Variants in CBFA2T2 observed in about 807,000 individuals in gnomAD.
The protein encoded by CBFA2T2 is CBFA2/RUNX1 partner transcriptional co-repressor 2.
CBFA2T2 carries 11 observed loss-of-function variants against 62.2 expected under a neutral mutation model. The ratio of observed to expected loss-of-function variants is 0.18; its 90% CI spans 0.11 to 0.29. The LOEUF (loss-of-function observed/expected upper bound fraction) is 0.29. Ranked by LOEUF, CBFA2T2 falls within the 10% of genes least tolerant of loss-of-function variation. The probability of loss-of-function intolerance (pLI) is 1.00; values close to 1 mark genes in which losing one functional copy is unlikely to be tolerated. For synonymous variants in CBFA2T2, 295 were observed against 287.5 expected, an observed-to-expected ratio of 1.03 and a Z score of -0.27; for missense variants, 592 against 774.1, an observed-to-expected ratio of 0.76 and a Z score of 2.79.
chr20:33,527,238 A>G (rs144532167), intron 1 of CBFA2T2, among the ~76,000 whole-genome samples: 1 of 152,168 alleles, frequency 6.6e-6, no homozygotes, highest in East Asian at 1.9e-4. Context: ...GTCTCACTAC[A>G]TCACCCAGGC....
At chr20:33,548,740 G>C (rs1386557641) in intron 1 of CBFA2T2, among the ~76,000 whole-genome samples, 1 of 152,128 alleles carries the variant, frequency 6.6e-6, no homozygotes, top group Non-Finnish European at 1.5e-5. Context: ...TGGGGAGATT[G>C]AGGCCAGGAG....
rs142527489 is a variant in CBFA2T2 at position 33,528,712 on chromosome 20, G to A, written c.34+38411G>A. On this transcript the variant is annotated intron_variant, in intron 1 of 10. Transcript: ENST00000342704. ...CACTCGTGTGTGTGTGTGTGTGTGC[G>A]TGTGTGGTGTAGTGACGGGATCTCA... is the stretch of plus-strand genomic sequence containing the variant. Among the ~76,000 whole-genome samples, 184 of 151,708 alleles carry A rather than the reference G, an allele frequency of 1.2e-3. 1 individual carries two copies. Among genetic ancestry groups the A allele is most frequent in the Non-Finnish European group, 4.7e-4 (32 of 67,916 alleles).
At chr20:33,623,963 AAAAAAG>A in intron 5 of CBFA2T2, 5 of 603,306 alleles carry the variant, frequency 8.3e-6, no homozygotes, top group South Asian at 2.0e-5. Context: ...GGAAAAAAAA[AAAAAAG>A]AAAAGAAAAG....
chr20:33,507,577 T>C (rs185926396), intron 1 of CBFA2T2, among the ~76,000 whole-genome samples: 166 of 152,324 alleles, frequency 1.1e-3, no homozygotes, highest in African/African-American at 4.0e-3. Flanking sequence ...TCTTTTCCCC[T>C]TCCTGGAAGC....
chr20:33,542,366 A>G (rs1034911693), intron 1 of CBFA2T2, among the ~76,000 whole-genome samples: 2 of 152,082 alleles, frequency 1.3e-5, no homozygotes, highest in Non-Finnish European at 2.9e-5. Flanking sequence ...GCTACCTAGT[A>G]TTTTACAGGT....
At chr20:33,509,202 A>T (rs1224452312) in intron 1 of CBFA2T2, among the ~76,000 whole-genome samples, 1 of 151,208 alleles carries the variant, frequency 6.6e-6, no homozygotes, top group Non-Finnish European at 1.5e-5. Flanking sequence ...TCCCTTATTT[A>T]CTAAAATTAC....
At chr20:33,502,373 G>A (rs1358840492) in intron 1 of CBFA2T2, among the ~76,000 whole-genome samples, 1 of 151,974 alleles carries the variant, frequency 6.6e-6, no homozygotes, top group African/African-American at 2.4e-5. Flanking sequence ...CCAAAAAGGT[G>A]TTGTAGGCTT....
intron 5 of CBFA2T2, among the ~76,000 whole-genome samples, chr20:33,623,589 GTTT>G (rs1160413341): frequency 3.7e-4 from 56 of 151,608 alleles, no homozygotes; most frequent in African/African-American, 1.2e-3. Flanking sequence ...TTGTTTGTTT[GTTT>G]GTTTGTTTTT....
intron 5 of CBFA2T2, chr20:33,623,772 G>C (rs1266840748): frequency 5.6e-6 from 4 of 711,352 alleles, no homozygotes; most frequent in African/African-American, 1.8e-5. Context: ...CCAATACCTA[G>C]CTGCATAATA....
intron 1 of CBFA2T2, among the ~76,000 whole-genome samples, chr20:33,567,250 G>A (rs1004700380): frequency 6.6e-6 from 1 of 152,180 alleles, no homozygotes; most frequent in Non-Finnish European, 1.5e-5. Flanking sequence ...TTTGTTTAAA[G>A]CAACAGCTCG....
chr20:33,585,051 T>C (rs2014304942), intron 1 of CBFA2T2, among the ~76,000 whole-genome samples: 1 of 152,112 alleles, frequency 6.6e-6, no homozygotes, highest in South Asian at 2.1e-4. Context: ...TTTTCTGTCA[T>C]GCTTGCAGGG....
In CBFA2T2 at chr20:33,623,310, C is replaced by G. The variant is rs772398282; in HGVS notation, c.692+14C>G. The G allele has an allele frequency of 2.9e-5, 46 of 1,613,788 alleles. No homozygotes were observed. The highest frequency in any genetic ancestry group is 3.7e-5 in the Non-Finnish European group (44 of 1,179,822). ...CAGTCCAGAGAGGTGAGCAGATGAG[C>G]TTTGCTGTCCTTGCCTTCCTGGAAC... On this transcript the variant is annotated intron_variant, in intron 5 of 10. Transcript: ENST00000342704.
At chr20:33,558,151 T>G (rs1312528676) in intron 1 of CBFA2T2, among the ~76,000 whole-genome samples, 4 of 151,370 alleles carry the variant, frequency 2.6e-5, no homozygotes, top group African/African-American at 9.7e-5. Flanking sequence ...TTTTTTTTTT[T>G]GAGACTCTGT....
chr20:33,533,118 T>TAA (rs148660560), intron 1 of CBFA2T2, among the ~76,000 whole-genome samples: 2 of 148,612 alleles, frequency 1.3e-5, no homozygotes, highest in African/African-American at 4.9e-5. Flanking sequence ...ATTCTTTCAC[T>TAA]AAAAAAAAAA....
chr20:33,534,634 C>T (rs1428343035), intron 1 of CBFA2T2, among the ~76,000 whole-genome samples: 2 of 151,678 alleles, frequency 1.3e-5, no homozygotes, highest in East Asian at 1.9e-4. Flanking sequence ...TTTTTTAAAT[C>T]AGGTATATAA....
intron 1 of CBFA2T2, among the ~76,000 whole-genome samples, chr20:33,502,047 C>G (rs1193552333): frequency 6.6e-6 from 1 of 152,202 alleles, no homozygotes; most frequent in Non-Finnish European, 1.5e-5. Flanking sequence ...ACCTCAAGCT[C>G]CGAAAGTACT....
At chr20:33,585,792 G>A (rs995715256) in intron 1 of CBFA2T2, among the ~76,000 whole-genome samples, 7 of 152,216 alleles carry the variant, frequency 4.6e-5, no homozygotes, top group Non-Finnish European at 1.0e-4. Flanking sequence ...AAGCATTATA[G>A]TCTTAACTGG....
chr20:33,547,889 A>G (rs2012626549), intron 1 of CBFA2T2, among the ~76,000 whole-genome samples: 1 of 152,162 alleles, frequency 6.6e-6, no homozygotes, highest in South Asian at 2.1e-4. Context: ...TTATTTATAA[A>G]ACCAGAAATA....
At chr20:33,544,079 G>C (rs1009327659) in intron 1 of CBFA2T2, among the ~76,000 whole-genome samples, 1 of 152,106 alleles carries the variant, frequency 6.6e-6, no homozygotes, top group Non-Finnish European at 1.5e-5. Context: ...ATAGCAGCCA[G>C]AGTGGTTCAA....
Sources: allele counts gnomAD v4.1 joint callset (sites outside exome capture counted in the v4.1 genomes callset), GRCh38; gene constraint gnomAD v4.1.1; transcripts MANE v1.5; gene names NCBI Gene and HGNC (gene_info 2026-07-23, HGNC 2026-07-21).